Variants in ARHGAP6 observed in about 807,000 individuals in gnomAD.
ARHGAP6 encodes Rho GTPase activating protein 6.
ARHGAP6 carries 16 observed loss-of-function variants against 55.7 expected under a neutral mutation model. The ratio of observed to expected loss-of-function variants is 0.29; its 90% CI spans 0.19 to 0.44. The LOEUF (loss-of-function observed/expected upper bound fraction) is 0.44. Ranked by LOEUF, ARHGAP6 falls within the 20% of genes least tolerant of loss-of-function variation. The pLI is 1.00. For synonymous variants in ARHGAP6, 382 were observed against 360.9 expected, an observed-to-expected ratio of 1.06 and a Z score of -0.66; for missense variants, 698 against 808.9, an observed-to-expected ratio of 0.86 and a Z score of 1.66.
intron 12 of ARHGAP6, among the ~76,000 whole-genome samples, chrX:11,141,421 T>C (rs748937005): frequency 5.4e-5 from 6 of 112,118 alleles, no homozygotes; most frequent in Non-Finnish European, 9.4e-5. Context: ...ACATCTTTAT[T>C]ATATAAAGAG....
chrX:11,518,918 AATG>A (rs1228330807), intron 1 of ARHGAP6, among the ~76,000 whole-genome samples: 5 of 92,533 alleles, frequency 5.4e-5, no homozygotes, highest in African/African-American at 1.7e-4. Flanking sequence ...GTTTACTGAG[AATG>A]ATGATTTCCA....
At chrX:11,286,717 G>C (rs2047926104) in intron 1 of ARHGAP6, among the ~76,000 whole-genome samples, 1 of 112,226 alleles carries the variant, frequency 8.9e-6, no homozygotes, top group African/African-American at 3.2e-5. Flanking sequence ...CAGGGATGCT[G>C]CTAAACATCC....
At chrX:11,345,685 T>C (rs917982774) in intron 1 of ARHGAP6, among the ~76,000 whole-genome samples, 4 of 112,017 alleles carry the variant, frequency 3.6e-5, no homozygotes, top group Non-Finnish European at 1.9e-5. Flanking sequence ...CCTCAGTTTA[T>C]ATTGCCACCT....
chrX:11,363,513 A>G (rs1018393464), intron 1 of ARHGAP6, among the ~76,000 whole-genome samples: 2 of 111,972 alleles, frequency 1.8e-5, no homozygotes, highest in Non-Finnish European at 3.8e-5. Flanking sequence ...TTCTTTCCAT[A>G]TGAGTATAAC....
intron 1 of ARHGAP6, among the ~76,000 whole-genome samples, chrX:11,500,308 T>C (rs141448047): frequency 2.4e-3 from 260 of 106,852 alleles, no homozygotes; most frequent in African/African-American, 8.8e-3. Context: ...GAGAATAAAA[T>C]ACCCTTTTCC....
At chrX:11,227,782 T>C (rs1479336044) in intron 2 of ARHGAP6, among the ~76,000 whole-genome samples, 1 of 109,277 alleles carries the variant, frequency 9.2e-6, no homozygotes, top group Non-Finnish European at 1.9e-5. Flanking sequence ...GCTTTTAAAA[T>C]CTTTCTTTTT....
intron 3 of ARHGAP6, among the ~76,000 whole-genome samples, chrX:11,196,051 A>G (rs1241646266): frequency 9.5e-6 from 1 of 105,732 alleles, no homozygotes; most frequent in African/African-American, 3.5e-5. Context: ...GGAGAATGGC[A>G]TGAACCTGGA....
intron 1 of ARHGAP6, chrX:11,290,527 G>A (rs770469768): frequency 3.2e-6 from 1 of 309,166 alleles, no homozygotes; most frequent in South Asian, 3.4e-5. Context: ...AGAGAATGAT[G>A]TTTTCTTGTA....
chrX:11,230,271 C>T (rs917450832), intron 2 of ARHGAP6, among the ~76,000 whole-genome samples: 3 of 111,740 alleles, frequency 2.7e-5, no homozygotes, highest in African/African-American at 9.8e-5. Flanking sequence ...GATCTTGGCT[C>T]ACTGCAACCT....
At chrX:11,458,035 T>G (rs770751266) in intron 1 of ARHGAP6, among the ~76,000 whole-genome samples, 1 of 112,074 alleles carries the variant, frequency 8.9e-6, no homozygotes, top group East Asian at 2.8e-4. Context: ...TCAGTTAGTG[T>G]CCATAACTGA....
At chrX:11,329,499 A>G (rs911886312) in intron 1 of ARHGAP6, among the ~76,000 whole-genome samples, 3 of 112,280 alleles carry the variant, frequency 2.7e-5, no homozygotes, top group African/African-American at 9.7e-5. Context: ...GAAAAATGCA[A>G]GACACTACCT....
chrX:11,622,011 T>A (rs991161962), intron 1 of ARHGAP6, among the ~76,000 whole-genome samples: 2 of 111,669 alleles, frequency 1.8e-5, no homozygotes, highest in African/African-American at 6.5e-5. Context: ...GAAAAATAAC[T>A]GCCAATATAA....
chrX:11,402,439 T>C (rs1367221744), intron 1 of ARHGAP6, among the ~76,000 whole-genome samples: 1 of 110,807 alleles, frequency 9.0e-6, no homozygotes, highest in Non-Finnish European at 1.9e-5. Flanking sequence ...TAGAAGATTG[T>C]TCTGCTCTCT....
At chrX:11,545,313 T>C (rs1351219928) in intron 1 of ARHGAP6, among the ~76,000 whole-genome samples, 1 of 112,473 alleles carries the variant, frequency 8.9e-6, no homozygotes, top group Non-Finnish European at 1.9e-5. Context: ...TGCTTCTTAT[T>C]TGCAAACATT....
chrX:11,347,825 C>T (rs934051578), intron 1 of ARHGAP6, among the ~76,000 whole-genome samples: 5 of 111,482 alleles, frequency 4.5e-5, no homozygotes, highest in African/African-American at 1.6e-4. Flanking sequence ...TTAATAGAAA[C>T]ATAAGTCCAG....
At chrX:11,459,764 T>C (rs1446180490) in intron 1 of ARHGAP6, among the ~76,000 whole-genome samples, 1 of 111,825 alleles carries the variant, frequency 8.9e-6, no homozygotes, top group Non-Finnish European at 1.9e-5. Flanking sequence ...ATTACTCAAG[T>C]TTCTAATTCA....
rs984053263 is a variant in ARHGAP6 at position 11,610,139 on chromosome X, A to G, written c.588+54102T>C. Among the ~76,000 whole-genome samples, 386 of 111,466 alleles carry G rather than the reference A, an allele frequency of 3.5e-3. 1 individual carries two copies. Among genetic ancestry groups the G allele is most frequent in the Middle Eastern group, 0.014 (3 of 216 alleles). On this transcript the variant is annotated intron_variant, in intron 1 of 12. Transcript: ENST00000337414. ...GGCCTCTTCCTCCAGTAAAAAAAAA[A>G]AAAAAAATACAAAATATGCTGTATG... is the stretch of plus-strand genomic sequence containing the variant.
intron 1 of ARHGAP6, among the ~76,000 whole-genome samples, chrX:11,449,340 A>G (rs2050122476): frequency 8.9e-6 from 1 of 112,389 alleles, no homozygotes; most frequent in Admixed American, 9.4e-5. Flanking sequence ...GTTCAATTAC[A>G]TCTGATTAGC....
At chrX:11,627,232 C>G (rs2052309014) in intron 1 of ARHGAP6, among the ~76,000 whole-genome samples, 1 of 111,134 alleles carries the variant, frequency 9.0e-6, no homozygotes, top group Non-Finnish European at 1.9e-5. Context: ...TGCCAATTTT[C>G]CTAAATTAAT....
Sources: gnomAD v4.1 joint callset for allele counts (sites outside exome capture counted in the v4.1 genomes callset) on GRCh38, gnomAD v4.1.1 for gene constraint, MANE v1.5 for transcripts, NCBI Gene and HGNC (gene_info 2026-07-23, HGNC 2026-07-21) for gene names.